RERG: variants seen among roughly 807,000 people sequenced by gnomAD.
The protein encoded by RERG is RAS like estrogen regulated growth inhibitor.
RERG carries 25 observed loss-of-function variants against 23.2 expected under a neutral mutation model. The observed-to-expected ratio is 1.08, with a 90% CI of 0.79 to 1.50. The LOEUF (loss-of-function observed/expected upper bound fraction) is 1.50, where lower values mean the gene tolerates loss of function less well. Among genes scored for constraint, RERG ranks in the 40% most tolerant of loss-of-function variants. RERG has a pLI of 0.00. For missense variants in RERG, 253 were observed against 250.1 expected (o/e 1.01, Z -0.08); for synonymous variants, 81 against 89.1 (o/e 0.91, Z 0.51).
At chr12:15,161,146 GA>G (rs1185853369) in intron 2 of RERG, among the ~76,000 whole-genome samples, 4 of 64,870 alleles carry the variant, frequency 6.2e-5, no homozygotes, top group Non-Finnish European at 3.0e-5. Context: ...GAAAAAGAAA[GA>G]AAGAAAGAAA....
intron 2 of RERG, among the ~76,000 whole-genome samples, chr12:15,176,801 A>G (rs1438216893): frequency 6.6e-6 from 1 of 152,172 alleles, no homozygotes; most frequent in Admixed American, 6.5e-5. Flanking sequence ...TTTAAAGTAG[A>G]TTAACAAAAG....
chr12:15,190,310 A>G (rs2193171), intron 2 of RERG, among the ~76,000 whole-genome samples: 23,543 of 151,848 alleles, frequency 0.16, 2,758 homozygotes, highest in African/African-American at 0.33. Flanking sequence ...TAGCTGATAA[A>G]CTTTAAAAAA....
At chr12:15,127,926 A>G (rs1367831319) in intron 2 of RERG, among the ~76,000 whole-genome samples, 2 of 152,218 alleles carry the variant, frequency 1.3e-5, no homozygotes, top group Non-Finnish European at 2.9e-5. Flanking sequence ...TGTTCCCACT[A>G]TACAGATAAG....
At chr12:15,151,011 C>G (rs11056373) in intron 2 of RERG, among the ~76,000 whole-genome samples, 99,497 of 152,024 alleles carry the variant, frequency 0.65, 32,757 homozygotes, top group Admixed American at 0.75. Context: ...TTTATAAATA[C>G]AGAAAACAGC....
At position 15,190,797 on chromosome 12, in the gene RERG, C is replaced by G. The variant is rs552488820; in HGVS notation, c.61+26632G>C. Among the ~76,000 whole-genome samples the G allele has an allele frequency of 7.0e-4, 107 of 152,180 alleles. 1 individual carries two copies. The highest frequency in any genetic ancestry group is 2.3e-3 in the African/African-American group (96 of 41,522). ...TGAGCTTAGTGGGTCTGAACAGAAC[C>G]CTTTATCATCCCATAGTTTCTGTGG... On this transcript the variant is annotated intron_variant, in intron 2 of 4. Coordinates refer to ENST00000256953, the MANE Select transcript of RERG (RefSeq NM_032918.3).
At chr12:15,218,316 C>A (rs1015275554) in intron 1 of RERG, among the ~76,000 whole-genome samples, 3 of 151,934 alleles carry the variant, frequency 2.0e-5, no homozygotes, top group African/African-American at 7.3e-5. Context: ...ACATTATGTA[C>A]AAAGTAAGCA....
chr12:15,156,737 TAG>T (rs1373916672), intron 2 of RERG, among the ~76,000 whole-genome samples: 2 of 152,202 alleles, frequency 1.3e-5, no homozygotes, highest in East Asian at 3.9e-4. Context: ...GAGAAAGAAA[TAG>T]AGTGATCAAT....
At chr12:15,189,098 C>A (rs530027311) in intron 2 of RERG, among the ~76,000 whole-genome samples, 3 of 152,186 alleles carry the variant, frequency 2.0e-5, no homozygotes, top group South Asian at 2.1e-4. Flanking sequence ...TAGGTTCCTA[C>A]CCTTGTTTTC....
At chr12:15,202,066 T>C (rs1865224769) in intron 2 of RERG, among the ~76,000 whole-genome samples, 1 of 151,868 alleles carries the variant, frequency 6.6e-6, no homozygotes, top group Non-Finnish European at 1.5e-5. Flanking sequence ...TCCCGTTCTT[T>C]CATTACTTTG....
intron 2 of RERG, among the ~76,000 whole-genome samples, chr12:15,149,120 C>T (rs1184393684): frequency 6.6e-6 from 1 of 151,858 alleles, no homozygotes; most frequent in Non-Finnish European, 1.5e-5. Flanking sequence ...CCGCCCGCCT[C>T]GGTTTCCCAA....
At chr12:15,133,794 A>T (rs548664342) in intron 2 of RERG, among the ~76,000 whole-genome samples, 1 of 149,020 alleles carries the variant, frequency 6.7e-6, no homozygotes, top group Non-Finnish European at 1.5e-5. Flanking sequence ...GATTTTGCAC[A>T]TTCTAATAAT....
At chr12:15,187,071 T>C (rs915525805) in intron 2 of RERG, among the ~76,000 whole-genome samples, 1 of 152,080 alleles carries the variant, frequency 6.6e-6, no homozygotes, top group African/African-American at 2.4e-5. Context: ...TATTCAACTA[T>C]CTTAACGATG....
chr12:15,205,298 G>C (rs926382966), intron 2 of RERG, among the ~76,000 whole-genome samples: 19 of 151,908 alleles, frequency 1.3e-4, no homozygotes, highest in Non-Finnish European at 2.7e-4. Flanking sequence ...AGAAAGGGTG[G>C]AAGAATTAGG....
rs1863529314 is a variant in RERG at position 15,108,032 on chromosome 12, A to AC, written c.*1077dup. 1 of 152,732 alleles carries AC rather than the reference A, an allele frequency of 6.5e-6. No individual in the cohort carries two copies. The highest frequency in any genetic ancestry group is 6.5e-5 in the Admixed American group (1 of 15,292). 9.5% of individuals were successfully genotyped at this position (152,732 alleles called of 1,614,324 possible). On this transcript the variant is annotated 3_prime_UTR_variant, in exon 5 of 5. Transcript: ENST00000256953. ...AATCATAAGGTTTTATCAGTTGTAGACTGTACTTTCAGAATACAAGAGTCT... is the reference window on the plus strand; with the variant it reads ...AATCATAAGGTTTTATCAGTTGTAGACCTGTACTTTCAGAATACAAGAGTCT...
At chr12:15,157,647 G>T (rs1302970396) in intron 2 of RERG, among the ~76,000 whole-genome samples, 2 of 152,126 alleles carry the variant, frequency 1.3e-5, no homozygotes, top group Non-Finnish European at 2.9e-5. Context: ...CAACTTCAAA[G>T]CACGCAAAGA....
intron 2 of RERG, among the ~76,000 whole-genome samples, chr12:15,159,873 T>C (rs1159556277): frequency 6.6e-6 from 1 of 151,880 alleles, no homozygotes; most frequent in Admixed American, 6.6e-5. Flanking sequence ...CAACAAAAAA[T>C]CCCAACCAAA....
chr12:15,182,004 C>G (rs916256042), intron 2 of RERG, among the ~76,000 whole-genome samples: 1 of 151,958 alleles, frequency 6.6e-6, no homozygotes, highest in African/African-American at 2.4e-5. Flanking sequence ...TACTGTTCAC[C>G]AGACAATCCT....
chr12:15,151,733 AC>A (rs1416762476), intron 2 of RERG, among the ~76,000 whole-genome samples: 2 of 152,106 alleles, frequency 1.3e-5, no homozygotes, highest in Non-Finnish European at 2.9e-5. Flanking sequence ...AAGATTGGAC[AC>A]CCCCTAACTC....
intron 2 of RERG, among the ~76,000 whole-genome samples, chr12:15,131,932 T>C (rs555787108): frequency 2.3e-4 from 35 of 151,940 alleles, no homozygotes; most frequent in Non-Finnish European, 4.4e-4. Flanking sequence ...CTTAAACATA[T>C]GGAGAACCAG....
Sources: allele counts gnomAD v4.1 joint callset (sites outside exome capture counted in the v4.1 genomes callset), GRCh38; gene constraint gnomAD v4.1.1; transcripts MANE v1.5; gene names NCBI Gene and HGNC (gene_info 2026-07-23, HGNC 2026-07-21).